IL10RA: variants seen among roughly 807,000 people sequenced by gnomAD.
IL10RA encodes the protein interleukin-10 receptor subunit alpha.
Under a neutral mutation model 29.6 loss-of-function variants are expected in IL10RA, and 18 were observed. The observed-to-expected ratio is 0.61, with a 90% CI of 0.42 to 0.90. The LOEUF (loss-of-function observed/expected upper bound fraction) is 0.90. IL10RA is among the 40% of genes least tolerant of loss of function. The pLI is 0.00. For synonymous variants in IL10RA, 292 were observed against 294.1 expected (o/e 0.99, Z 0.07); for missense variants, 634 against 716.6 (o/e 0.88, Z 1.32).
Position 117,999,601 on chromosome 11 carries a change from T to C in IL10RA, c.1697T>C (p.Val566Ala), listed in dbSNP as rs757815694. Residue 566 changes from valine to alanine, a missense_variant, in exon 7 of 7, where the codon GTC (valine) becomes GCC (alanine). By Grantham distance (64) the Val-to-Ala change is moderately conservative. Coordinates refer to ENST00000227752, the MANE Select transcript of IL10RA (RefSeq NM_001558.4). ...CTGGGCAGCTTTAACTCAGACCTGG[T>C]CACCCTGCCCCTCATCTCTAGCCTG... ...GLLGSFNSDL[V>A]TLPLISSLQS... The C allele has an allele frequency of 1.2e-6, 2 of 1,614,172 alleles. No individual in the cohort carries two copies. The highest frequency in any genetic ancestry group is 2.2e-5 in the South Asian group (2 of 91,080).
At chr11:117,987,053 A>C in intron 1 of IL10RA, 2 of 373,566 alleles carry the variant, frequency 5.4e-6, no homozygotes, top group South Asian at 3.9e-5. Flanking sequence ...CTCCTAACCC[A>C]GCCAGTTCAG....
At position 117,999,701 on chromosome 11, in the gene IL10RA, G is replaced by T. The variant is rs765786690; in HGVS notation, c.*60G>T. ...GCCTGCTCCTCTGCCTGGACCAGGA[G>T]GAGGGCCCCTGGGGCAGAAGTTAGG... On this transcript the variant is annotated 3_prime_UTR_variant, in exon 7 of 7. Coordinates refer to ENST00000227752, the MANE Select transcript of IL10RA (RefSeq NM_001558.4). 2 of 1,470,290 alleles carry T rather than the reference G, an allele frequency of 1.4e-6. No homozygotes were observed. The highest frequency in any genetic ancestry group is 4.5e-5 in the East Asian group (2 of 44,196). The allele number at this position is 1,470,290 out of a possible 1,614,324, so 91.1% of individuals were successfully genotyped here.
At chr11:117,994,257 T>C (rs2058042448) in intron 5 of IL10RA, 108 bp downstream of exon 5, 1 of 889,558 alleles carries the variant, frequency 1.1e-6, no homozygotes, top group Non-Finnish European at 1.8e-6. Context: ...TGTTAGGTGC[T>C]GCTTCACATA....
chr11:117,990,358 T>A (rs547602693), intron 3 of IL10RA, among the ~76,000 whole-genome samples: 5,861 of 152,246 alleles, frequency 0.038, 277 homozygotes, highest in African/African-American at 0.12. Context: ...CTGTATTTTT[T>A]TTTTTTTTAA....
At chr11:117,996,001 T>C (rs1369836042) in intron 6 of IL10RA, among the ~76,000 whole-genome samples, 3 of 152,204 alleles carry the variant, frequency 2.0e-5, no homozygotes, top group Non-Finnish European at 4.4e-5. Context: ...TAGTTGGCCA[T>C]GGACTAGCCC....
chr11:117,991,197 CA>C (rs552200073), intron 3 of IL10RA, among the ~76,000 whole-genome samples: 144 of 150,846 alleles, frequency 9.5e-4, no homozygotes, highest in African/African-American at 3.4e-3. Flanking sequence ...GACTCTGTCT[CA>C]AAAAAACAAA....
intron 3 of IL10RA, 24 bp from the exon 4 acceptor site, chr11:117,993,216 TC>T (rs751713159): frequency 1.9e-5 from 30 of 1,610,686 alleles, no homozygotes; most frequent in Middle Eastern, 1.6e-4. Flanking sequence ...CTCATGGTAT[TC>T]CCCCCCACCC....
chr11:118,001,903 C>G (rs573487231), downstream of IL10RA: 1 of 160,568 alleles, frequency 6.2e-6, no homozygotes, highest in South Asian at 1.7e-4. Flanking sequence ...CAGCGGGACT[C>G]TTTCAGAAGA....
chr11:117,994,142 C>A lies in IL10RA; in HGVS notation c.681C>A (p.Thr227=). 6.2e-7 allele frequency: 1 copy of A among 1,613,966 alleles called. No homozygotes were observed. The highest frequency in any genetic ancestry group is 1.3e-5 in the African/African-American group (1 of 75,038). ...MWSKEECISL[T]RQYFTVTNVI... The stretch of plus-strand genomic sequence containing the variant: ...CTAAAGAGGAGTGCATCTCCCTCAC[C>A]AGGCAGTGTGAGTCAGCTGGGCTGC... Residue 227 remains threonine, a synonymous_variant, in exon 5 of 7, where the codon ACC becomes ACA. Coordinates refer to ENST00000227752, the MANE Select transcript of IL10RA (RefSeq NM_001558.4).
downstream of IL10RA, chr11:118,002,330 C>A (rs1794195581): frequency 6.6e-6 from 1 of 152,268 alleles, no homozygotes; most frequent in South Asian, 2.1e-4. Context: ...TCTTGCCTCA[C>A]CCAGTTCATT....
chr11:117,992,291 T>C (rs1207742533), intron 3 of IL10RA, among the ~76,000 whole-genome samples: 1 of 152,236 alleles, frequency 6.6e-6, no homozygotes, highest in Non-Finnish European at 1.5e-5. Context: ...TTTTCCATAA[T>C]GGCTGAGAAA....
At chr11:117,987,272 A>G (rs1350140666) in intron 1 of IL10RA, 1 of 216,430 alleles carries the variant, frequency 4.6e-6, no homozygotes, top group Admixed American at 5.2e-5. Context: ...TCGAGAGCTG[A>G]GTCGGAGATG....
chr11:117,999,248 G>T lies in IL10RA; in HGVS notation c.1344G>T (p.Arg448Ser), dbSNP rs771155696. The T allele has an allele frequency of 2.5e-6, 4 of 1,614,156 alleles. No individual in the cohort carries two copies. Among genetic ancestry groups the T allele is most frequent in the Non-Finnish European group, 3.4e-6 (4 of 1,180,054 alleles). Reference sequence around the variant, plus strand: ...CTGTGGCATTCCAGGGTTACCTGAGGCAGACCAGATGTGCTGAAGAGAAGG... The same window carrying T: ...CTGTGGCATTCCAGGGTTACCTGAGTCAGACCAGATGTGCTGAAGAGAAGG... Reference protein sequence around the residue: ...PAAVAFQGYLRQTRCAEEKAT... With the variant: ...PAAVAFQGYLSQTRCAEEKAT... Residue 448 changes from arginine to serine, a missense_variant, in exon 7 of 7, where the codon AGG (arginine) becomes AGT (serine). Arg to Ser is a moderately radical substitution (Grantham distance 110, BLOSUM62 -1). Transcript: ENST00000227752.
chr11:117,989,418 G>A lies in IL10RA; in HGVS notation c.189-24G>A. ...AGGATTGAGCACAAGCTCGTTTCCA[G>A]TGCCTAACCTGGTATCTCCTCAGGT... is the stretch of plus-strand genomic sequence containing the variant. On this transcript the variant is annotated intron_variant, in intron 2 of 6. Coordinates refer to ENST00000227752, the MANE Select transcript of IL10RA (RefSeq NM_001558.4). The surrounding 1 kb of genome is among the most constrained non-coding windows in gnomAD (Gnocchi z 4.5). 6.2e-7 allele frequency: 1 copy of A among 1,609,514 alleles called. No individual in the cohort carries two copies. The highest frequency in any genetic ancestry group is 8.5e-7 in the Non-Finnish European group (1 of 1,175,694).
intron 2 of IL10RA, among the ~76,000 whole-genome samples, chr11:117,988,841 G>A (rs754184803): frequency 3.3e-5 from 5 of 152,164 alleles, no homozygotes; most frequent in Non-Finnish European, 5.9e-5. Context: ...GCTCACTGCA[G>A]CCTCTGCCTC....
At chr11:117,995,313 C>G (rs911544862) in intron 5 of IL10RA, 4 of 488,738 alleles carry the variant, frequency 8.2e-6, no homozygotes, top group Non-Finnish European at 1.5e-5. Context: ...ACCATCCTGC[C>G]TCACTGTTCT....
At position 117,993,283 on chromosome 11, in the gene IL10RA, G is replaced by A. The variant is rs772553363; in HGVS notation, c.410G>A (p.Gly137Asp). ...AGTGTGAACCTAGAGATCCACAATG[G>A]CTTCATCCTCGGGAAGATTCAGCTA... ...VGSVNLEIHN[G>D]FILGKIQLPR... Residue 137 changes from glycine to aspartate, a missense_variant, in exon 4 of 7, where the codon GGC becomes GAC. Transcript: ENST00000227752. 9 of 1,613,968 alleles carry A rather than the reference G, an allele frequency of 5.6e-6. No homozygotes were observed. In the East Asian group the frequency reaches 2.0e-4, roughly 36 times the overall value.
At chr11:117,991,115 T>C (rs1022718569) in intron 3 of IL10RA, among the ~76,000 whole-genome samples, 3 of 152,070 alleles carry the variant, frequency 2.0e-5, no homozygotes, top group Admixed American at 2.0e-4. Context: ...GGAGAATCAC[T>C]TGAACTCAGG....
In IL10RA at chr11:117,989,632, C is replaced by G. The variant is rs756160842; in HGVS notation, c.367+12C>G. The stretch of plus-strand genomic sequence containing the variant: ...CTCTGTGGATGAAGGTGCTTTTCCT[C>G]CCTTGACTTAGAACATGGCTCTGAA... On this transcript the variant is annotated intron_variant, in intron 3 of 6. Transcript: ENST00000227752. The surrounding 1 kb of genome is among the most constrained non-coding windows in gnomAD (Gnocchi z 4.5). The G allele has an allele frequency of 1.1e-5, 18 of 1,612,962 alleles. No individual in the cohort carries two copies. In the African/African-American group the frequency reaches 2.1e-4, roughly 19 times the overall value.
Sources: gnomAD v4.1 joint callset for allele counts (sites outside exome capture counted in the v4.1 genomes callset) on GRCh38, gnomAD v4.1.1 for gene constraint, Gnocchi (gnomAD v3.1) non-coding constraint, MANE v1.5 for transcripts, NCBI Gene and HGNC (gene_info 2026-07-23, HGNC 2026-07-21) for gene names.